The following FAAH2 variants were observed in gnomAD, a reference collection of about 807,000 sequenced individuals.
FAAH2 encodes the protein fatty acid amide hydrolase 2, also known as fatty-acid amide hydrolase 2.
In FAAH2, 60 loss-of-function variants were observed where a neutral mutation model predicts 36.9. That is an observed-to-expected ratio of 1.63 (90% CI 1.32 to 2.02). FAAH2 has a LOEUF of 2.02. Ranked by LOEUF, FAAH2 falls within the 30% of genes most tolerant of loss-of-function variation. The pLI is 0.00. For synonymous variants in FAAH2, 214 were observed against 143.8 expected (o/e 1.49, Z -3.49); for missense variants, 689 against 397.5 (o/e 1.73, Z -6.23).
chrX:57,379,551 A>T, intron 6 of FAAH2, among the ~76,000 whole-genome samples: 1 of 108,452 alleles, frequency 9.2e-6, no homozygotes, highest in Non-Finnish European at 1.9e-5. Context: ...TCTCTCACAC[A>T]CACACACACA....
chrX:57,183,825 C>T, the FAAH2 span, among the ~76,000 whole-genome samples: 2 of 110,847 alleles, frequency 1.8e-5, no homozygotes, highest in East Asian at 2.8e-4. Flanking sequence ...CCTGTGGGGT[C>T]GGGCAAAAAG....
At chrX:57,151,612 C>T in the FAAH2 span, among the ~76,000 whole-genome samples, 19 of 111,765 alleles carry the variant, frequency 1.7e-4, no homozygotes, top group African/African-American at 3.6e-4. Flanking sequence ...CAGCTCCATC[C>T]GCTCCTTGAA....
intron 8 of FAAH2, among the ~76,000 whole-genome samples, chrX:57,445,863 C>T (rs1343536855): frequency 8.9e-6 from 1 of 112,194 alleles, no homozygotes; most frequent in African/African-American, 3.2e-5. Flanking sequence ...TCAATTGCCT[C>T]TGAGAGAACA....
chrX:57,219,297 C>T, the FAAH2 span, among the ~76,000 whole-genome samples: 2 of 111,322 alleles, frequency 1.8e-5, no homozygotes, highest in African/African-American at 6.6e-5. Context: ...GGTGCACTCT[C>T]GGGGTTCAAA....
At chrX:57,427,445 T>G (rs1276686942) in intron 7 of FAAH2, among the ~76,000 whole-genome samples, 2 of 110,202 alleles carry the variant, frequency 1.8e-5, no homozygotes, top group South Asian at 3.8e-4. Context: ...CATATGAAAA[T>G]AGAAGAGAAA....
At chrX:57,392,508 A>T (rs1271475448) in intron 7 of FAAH2, 3 of 718,186 alleles carry the variant, frequency 4.2e-6, no homozygotes, top group Non-Finnish European at 6.2e-6. Flanking sequence ...ATCCGGGAAA[A>T]CTCCTACTAT....
intron 1 of FAAH2, among the ~76,000 whole-genome samples, chrX:57,288,300 C>A (rs1037341247): frequency 3.2e-5 from 3 of 94,613 alleles, no homozygotes; most frequent in East Asian, 3.3e-4. Flanking sequence ...GAAATCCTAG[C>A]TTTTCTACGA....
chrX:57,236,893 CTG>C, the FAAH2 span, among the ~76,000 whole-genome samples: 1 of 89,770 alleles, frequency 1.1e-5, no homozygotes, highest in African/African-American at 5.9e-5. Context: ...GTTTTATTGA[CTG>C]TGCTTTTCAT....
chrX:57,196,729 C>G, the FAAH2 span, among the ~76,000 whole-genome samples: 2 of 111,475 alleles, frequency 1.8e-5, no homozygotes, highest in African/African-American at 6.5e-5. Context: ...AAGTATATCT[C>G]TTTTATGCCG....
chrX:57,331,877 A>C, intron 4 of FAAH2, 70 bp downstream of exon 4: 4 of 1,018,167 alleles, frequency 3.9e-6, no homozygotes, highest in Non-Finnish European at 5.5e-6. Flanking sequence ...GTATTAATAA[A>C]CATGATACAG....
the FAAH2 span, among the ~76,000 whole-genome samples, chrX:57,173,983 G>A: frequency 9.0e-6 from 1 of 110,786 alleles, no homozygotes; most frequent in African/African-American, 3.3e-5. Context: ...TATTTTTTCA[G>A]GATTTTTGCA....
At chrX:57,468,761 C>A (rs1348622477) in intron 10 of FAAH2, among the ~76,000 whole-genome samples, 1 of 111,256 alleles carries the variant, frequency 9.0e-6, no homozygotes, top group Non-Finnish European at 1.9e-5. Flanking sequence ...TGCAAAGATA[C>A]TCCTCGAGAT....
chrX:57,437,967 G>A (rs955882292), intron 8 of FAAH2, among the ~76,000 whole-genome samples: 4 of 98,069 alleles, frequency 4.1e-5, no homozygotes, highest in East Asian at 3.2e-4. Context: ...ATATACATAC[G>A]TATATGTATA....
At chrX:57,375,402 T>A (rs923978987) in intron 5 of FAAH2, among the ~76,000 whole-genome samples, 6 of 103,257 alleles carry the variant, frequency 5.8e-5, no homozygotes, top group African/African-American at 2.1e-4. Context: ...TCAATCTCTC[T>A]CCTTGTTATT....
intron 1 of FAAH2, 26 bp downstream of exon 1, chrX:57,287,043 G>A (rs759738963): frequency 1.9e-4 from 219 of 1,130,425 alleles, no homozygotes; most frequent in South Asian, 3.4e-4. Flanking sequence ...AGAAGAGGCT[G>A]GAGGGACAGG....
At chrX:57,305,960 C>T (rs771895734) in intron 2 of FAAH2, among the ~76,000 whole-genome samples, 4 of 111,924 alleles carry the variant, frequency 3.6e-5, no homozygotes, top group African/African-American at 1.3e-4. Flanking sequence ...GGCTACAGGC[C>T]GTTTTGCCTT....
Position 57,436,896 on chromosome X carries a change from C to T in FAAH2, c.1116+4859C>T, listed in dbSNP as rs551000931. On this transcript the variant is annotated intron_variant, in intron 8 of 10. Coordinates refer to ENST00000374900, the MANE Select transcript of FAAH2 (RefSeq NM_174912.4). ...ACTCATTCCATGACACCACTATCAC[C>T]CTGATACCAAAACCATACAAGAACA... is the stretch of plus-strand genomic sequence containing the variant. Among the ~76,000 whole-genome samples the T allele has an allele frequency of 5.4e-5, 6 of 111,102 alleles. No homozygotes were observed. The East Asian group carries it at 1.1e-3, about 21-fold the overall frequency.
chrX:57,163,410 C>A, the FAAH2 span, among the ~76,000 whole-genome samples: 13,626 of 111,611 alleles, frequency 0.12, 1,980 homozygotes, highest in African/African-American at 0.41. Context: ...TTCCTGGCTG[C>A]TTTGTTTACC....
At chrX:57,203,591 G>A in the FAAH2 span, among the ~76,000 whole-genome samples, 1,215 of 111,906 alleles carry the variant, frequency 0.011, 7 homozygotes, top group Middle Eastern at 0.032. Context: ...GCTACTTCTC[G>A]CAGGAGTCGG....
Sources: allele counts gnomAD v4.1 joint callset (sites outside exome capture counted in the v4.1 genomes callset), GRCh38; gene constraint gnomAD v4.1.1; transcripts MANE v1.5; gene names NCBI Gene and HGNC (gene_info 2026-07-23, HGNC 2026-07-21).